The following DPYD variants were observed in gnomAD, a reference collection of about 807,000 sequenced individuals.
DPYD encodes dihydropyrimidine dehydrogenase [NADP(+)].
A neutral mutation model predicts 116.2 loss-of-function variants in DPYD; 109 were observed. That is an observed-to-expected ratio of 0.94 (90% CI 0.80 to 1.10). The LOEUF (loss-of-function observed/expected upper bound fraction) is 1.10. Ranked by LOEUF, DPYD falls within the 50% of genes least tolerant of loss-of-function variation. The pLI is 0.00. For synonymous variants in DPYD, 440 were observed against 432.0 expected (o/e 1.02, Z -0.23); for missense variants, 1,302 against 1,254.5 (o/e 1.04, Z -0.57).
intron 18 of DPYD, among the ~76,000 whole-genome samples, chr1:97,285,793 C>G (rs917509311): frequency 7.3e-5 from 11 of 151,452 alleles, no homozygotes; most frequent in African/African-American, 2.4e-4. Flanking sequence ...AGGCAATTCT[C>G]CCATCTCATT....
chr1:97,663,970 T>G (rs2100875537), intron 8 of DPYD, among the ~76,000 whole-genome samples: 1 of 152,308 alleles, frequency 6.6e-6, no homozygotes, highest in African/African-American at 2.4e-5. Flanking sequence ...TATTGTGTTA[T>G]ATATTGTGGG....
At chr1:97,346,042 A>T (rs1669825033) in intron 16 of DPYD, among the ~76,000 whole-genome samples, 1 of 151,860 alleles carries the variant, frequency 6.6e-6, no homozygotes, top group African/African-American at 2.4e-5. Context: ...TGCTTTTAAA[A>T]GTTTTACCAT....
chr1:97,101,905 A>C (rs968003629), intron 20 of DPYD, among the ~76,000 whole-genome samples: 1 of 151,978 alleles, frequency 6.6e-6, no homozygotes, highest in Middle Eastern at 3.2e-3. Context: ...TCATTGATGA[A>C]TTTGTTCTCA....
intron 8 of DPYD, among the ~76,000 whole-genome samples, chr1:97,622,231 T>C (rs1210532945): frequency 6.6e-6 from 1 of 151,994 alleles, no homozygotes; most frequent in Non-Finnish European, 1.5e-5. Context: ...AGTCATGAAA[T>C]CAAGGTTAAC....
At chr1:97,364,285 A>G (rs1385608366) in intron 16 of DPYD, among the ~76,000 whole-genome samples, 1 of 152,210 alleles carries the variant, frequency 6.6e-6, no homozygotes, top group African/African-American at 2.4e-5. Flanking sequence ...AAGAGAAGAA[A>G]GCTGCATGTT....
At chr1:97,161,355 C>T (rs1655882878) in intron 20 of DPYD, among the ~76,000 whole-genome samples, 1 of 152,096 alleles carries the variant, frequency 6.6e-6, no homozygotes, top group Non-Finnish European at 1.5e-5. Context: ...ACCCATCATT[C>T]TACCATACTG....
At chr1:97,506,117 C>G (rs1227180421) in intron 13 of DPYD, among the ~76,000 whole-genome samples, 1 of 151,918 alleles carries the variant, frequency 6.6e-6, no homozygotes, top group Non-Finnish European at 1.5e-5. Flanking sequence ...GAAAAAGGAG[C>G]ATACAGCGAA....
intron 4 of DPYD, 64 bp downstream of exon 4, chr1:97,740,328 A>G (rs955014687): frequency 3.7e-6 from 5 of 1,366,084 alleles, no homozygotes; most frequent in Admixed American, 1.7e-5. Context: ...TTCTGTACCC[A>G]CAGATAATAG....
chr1:97,853,905 C>CA (rs931437461), intron 2 of DPYD, among the ~76,000 whole-genome samples: 2 of 151,632 alleles, frequency 1.3e-5, no homozygotes, highest in Non-Finnish European at 2.9e-5. Context: ...CTCATCCTTG[C>CA]AAAAAATACT....
chr1:97,822,815 T>C (rs751535163), intron 3 of DPYD, among the ~76,000 whole-genome samples: 1 of 152,204 alleles, frequency 6.6e-6, no homozygotes, highest in Non-Finnish European at 1.5e-5. Flanking sequence ...GATTGGTGTA[T>C]TTTTTGTGAA....
chr1:97,187,897 T>C (rs1362345474), intron 20 of DPYD, among the ~76,000 whole-genome samples: 1 of 152,190 alleles, frequency 6.6e-6, no homozygotes, highest in Non-Finnish European at 1.5e-5. Flanking sequence ...TGTGGCTTTC[T>C]TTCTGGGTTC....
chr1:97,287,068 T>C (rs1030394153), intron 18 of DPYD, among the ~76,000 whole-genome samples: 2 of 152,208 alleles, frequency 1.3e-5, no homozygotes, highest in Non-Finnish European at 2.9e-5. Flanking sequence ...TATCTACTTT[T>C]GGTCTTTGAT....
chr1:97,453,819 G>A (rs2101803352), intron 13 of DPYD, among the ~76,000 whole-genome samples: 1 of 152,108 alleles, frequency 6.6e-6, no homozygotes, highest in Admixed American at 6.6e-5. Context: ...AGTTATGAAT[G>A]ATCTCCTTAA....
chr1:97,883,234 A>G, intron 2 of DPYD, 30 bp downstream of exon 2: 1 of 1,486,578 alleles, frequency 6.7e-7, no homozygotes, highest in Non-Finnish European at 9.4e-7. Flanking sequence ...GGTAATTTTC[A>G]GCATGAAATA....
chr1:97,188,251 T>A (rs1658131714), intron 20 of DPYD, among the ~76,000 whole-genome samples: 2 of 152,198 alleles, frequency 1.3e-5, no homozygotes, highest in South Asian at 4.1e-4. Flanking sequence ...TATGTTCATT[T>A]ATTAATATCA....
At chr1:97,338,598 G>T (rs775540241) in intron 16 of DPYD, among the ~76,000 whole-genome samples, 5 of 152,142 alleles carry the variant, frequency 3.3e-5, no homozygotes, top group Admixed American at 6.6e-5. Flanking sequence ...TAGGGGTGAT[G>T]CAATAGGTAG....
intron 2 of DPYD, among the ~76,000 whole-genome samples, chr1:97,874,358 A>G (rs1671800955): frequency 6.6e-6 from 1 of 151,998 alleles, no homozygotes; most frequent in Non-Finnish European, 1.5e-5. Flanking sequence ...TCATAAATTC[A>G]TAAGGAAGGA....
At chr1:97,747,589 T>C (rs544101131) in intron 3 of DPYD, among the ~76,000 whole-genome samples, 3 of 152,318 alleles carry the variant, frequency 2.0e-5, no homozygotes, top group Admixed American at 6.5e-5. Context: ...GGATGCTTTA[T>C]AGAATGTCTA....
chr1:97,527,271 G>GT (rs1649210112), intron 12 of DPYD, among the ~76,000 whole-genome samples: 1 of 152,038 alleles, frequency 6.6e-6, no homozygotes, highest in Non-Finnish European at 1.5e-5. Flanking sequence ...TAGAGACAGG[G>GT]TTTCACCATG....
Sources: gnomAD v4.1 joint callset for allele counts (sites outside exome capture counted in the v4.1 genomes callset) on GRCh38, gnomAD v4.1.1 for gene constraint, MANE v1.5 for transcripts, NCBI Gene and HGNC (gene_info 2026-07-23, HGNC 2026-07-21) for gene names.